NR3C2: variants seen among roughly 807,000 people sequenced by gnomAD.
NR3C2 encodes the protein nuclear receptor subfamily 3 group C member 2, also known as mineralocorticoid receptor.
Under a neutral mutation model 86.4 loss-of-function variants are expected in NR3C2, and 15 were observed. The ratio of observed to expected loss-of-function variants is 0.17; its 90% confidence interval spans 0.12 to 0.27. NR3C2 has a LOEUF of 0.27. NR3C2 is among the 10% of genes least tolerant of loss of function. The pLI is 1.00. For synonymous variants in NR3C2, 458 were observed against 450.5 expected (o/e 1.02, Z -0.21); for missense variants, 960 against 1,195.6 (o/e 0.80, Z 2.91).
chr4:148,244,776 A>C (rs775319183), intron 3 of NR3C2, among the ~76,000 whole-genome samples: 7 of 152,188 alleles, frequency 4.6e-5, no homozygotes, highest in Non-Finnish European at 1.0e-4. Flanking sequence ...AATTTTGGTA[A>C]AATTGTTGCA....
rs1738133316 is a variant in NR3C2 at position 148,225,885 on chromosome 4, CCT to C, written c.1898-31025_1898-31024del. 2.0e-5 allele frequency among the ~76,000 whole-genome samples: 3 copies of C among 152,092 alleles called. No individual in the cohort carries two copies. In the South Asian group the frequency reaches 6.2e-4, roughly 31 times the overall value. ...CTGTATCACTCACTGGGTCATTTTT[CCT>C]CTTTCAACAAGGACTTACTCATAAA... On this transcript the variant is annotated intron_variant, in intron 3 of 8. Coordinates refer to ENST00000358102, the MANE Select transcript of NR3C2 (RefSeq NM_000901.5).
intron 2 of NR3C2, among the ~76,000 whole-genome samples, chr4:148,365,094 A>T (rs947221517): frequency 6.6e-6 from 1 of 152,196 alleles, no homozygotes; most frequent in Non-Finnish European, 1.5e-5. Context: ...TCTATATGCT[A>T]CCAATAAGCA....
At chr4:148,353,873 C>T (rs1376482125) in intron 2 of NR3C2, among the ~76,000 whole-genome samples, 1 of 152,082 alleles carries the variant, frequency 6.6e-6, no homozygotes, top group Non-Finnish European at 1.5e-5. Flanking sequence ...AGAAACCATT[C>T]CTAGTGATGT....
At chr4:148,405,687 T>G (rs1368067251) in intron 2 of NR3C2, among the ~76,000 whole-genome samples, 2 of 152,212 alleles carry the variant, frequency 1.3e-5, no homozygotes, top group African/African-American at 4.8e-5. Flanking sequence ...ATGTAACCTC[T>G]CAGGGGAAGT....
intron 2 of NR3C2, among the ~76,000 whole-genome samples, chr4:148,422,729 C>T (rs1417281515): frequency 1.3e-5 from 2 of 152,110 alleles, no homozygotes; most frequent in Admixed American, 1.3e-4. Flanking sequence ...AGTTTGCTTT[C>T]CAACTCTGCC....
At chr4:148,376,030 T>G (rs1431911104) in intron 2 of NR3C2, among the ~76,000 whole-genome samples, 1 of 152,102 alleles carries the variant, frequency 6.6e-6, no homozygotes, top group African/African-American at 2.4e-5. Context: ...TCATCCCACT[T>G]TTCTACTTCA....
At chr4:148,219,368 C>T (rs1402084446) in intron 3 of NR3C2, among the ~76,000 whole-genome samples, 1 of 152,148 alleles carries the variant, frequency 6.6e-6, no homozygotes, top group Non-Finnish European at 1.5e-5. Context: ...ATACAAGTTC[C>T]TAATTAATGT....
intron 6 of NR3C2, among the ~76,000 whole-genome samples, chr4:148,131,328 A>T (rs541531281): frequency 6.6e-6 from 1 of 152,198 alleles, no homozygotes; most frequent in Non-Finnish European, 1.5e-5. Flanking sequence ...TGCAAACTGC[A>T]TCGTGTCTGA....
intron 2 of NR3C2, among the ~76,000 whole-genome samples, chr4:148,390,033 A>T (rs1016516119): frequency 6.6e-6 from 1 of 152,108 alleles, no homozygotes; most frequent in African/African-American, 2.4e-5. Context: ...AAAAGGATAA[A>T]ACATAGACTG....
At chr4:148,097,699 C>A (rs575105413) in intron 8 of NR3C2, among the ~76,000 whole-genome samples, 4 of 146,726 alleles carry the variant, frequency 2.7e-5, no homozygotes, top group African/African-American at 5.0e-5. Context: ...CGGCCCAACA[C>A]AAATTCATAA....
At chr4:148,300,991 C>T (rs1371301186) in intron 2 of NR3C2, among the ~76,000 whole-genome samples, 1 of 152,126 alleles carries the variant, frequency 6.6e-6, no homozygotes, top group Non-Finnish European at 1.5e-5. Context: ...ACCTGTTTTC[C>T]TCATGGAGCC....
At chr4:148,218,761 T>C (rs181137639) in intron 3 of NR3C2, among the ~76,000 whole-genome samples, 101 of 152,320 alleles carry the variant, frequency 6.6e-4, no homozygotes, top group African/African-American at 2.3e-3. Flanking sequence ...ATTGAAATCA[T>C]ATAATATGGA....
At chr4:148,106,218 A>C (rs1731790726) in intron 8 of NR3C2, among the ~76,000 whole-genome samples, 1 of 152,200 alleles carries the variant, frequency 6.6e-6, no homozygotes, top group Non-Finnish European at 1.5e-5. Context: ...ATACACCAAC[A>C]ATAGGCAAGC....
At chr4:148,375,230 C>T (rs1207649980) in intron 2 of NR3C2, among the ~76,000 whole-genome samples, 2 of 152,032 alleles carry the variant, frequency 1.3e-5, no homozygotes, top group Admixed American at 1.3e-4. Flanking sequence ...CCGAGGTTGG[C>T]GTATCACTTG....
intron 2 of NR3C2, among the ~76,000 whole-genome samples, chr4:148,279,917 G>A (rs1003691845): frequency 6.6e-6 from 1 of 152,002 alleles, no homozygotes; most frequent in Non-Finnish European, 1.5e-5. Context: ...TAGAGACGGG[G>A]TTTCACCATG....
intron 2 of NR3C2, among the ~76,000 whole-genome samples, chr4:148,373,387 G>A (rs1290610018): frequency 6.7e-6 from 1 of 150,248 alleles, no homozygotes; most frequent in Non-Finnish European, 1.5e-5. Context: ...TTACATTCTT[G>A]TTATCCAGGT....
chr4:148,436,552 C>A lies in NR3C2; in HGVS notation c.309G>T (p.Glu103Asp), dbSNP rs1750084577. ...ESKELSATVA[E>D]SMGLYMDSVR... ...CAGAATCCATATATAAACCCATGGA[C>A]TCAGCTACAGTTGCTGAAAGTTCCT... The change falls in exon 2 of 9, where the codon GAG becomes GAT. Residue 103 changes from glutamate (E) to aspartate (D), a missense_variant. Glu to Asp is a conservative substitution (Grantham distance 45, BLOSUM62 2). Around this residue, in one of 4 missense-constraint regions of NR3C2, gnomAD observed 680 missense variants for 719.0 expected, o/e 0.95. Coordinates refer to ENST00000358102, the MANE Select transcript of NR3C2 (RefSeq NM_000901.5). 1 of 1,614,206 alleles carries A rather than the reference C, an allele frequency of 6.2e-7. No individual in the cohort carries two copies. Among genetic ancestry groups the A allele is most frequent in the Non-Finnish European group, 8.5e-7 (1 of 1,180,036 alleles).
rs190510224 is a variant in NR3C2, at chr4:148,215,606, C to T, written c.1898-20744G>A. Among the ~76,000 whole-genome samples, 11 of 152,160 alleles carry T rather than the reference C, an allele frequency of 7.2e-5. No individual in the cohort carries two copies. In the East Asian group the frequency reaches 1.7e-3, roughly 24 times the overall value. On this transcript the variant is annotated intron_variant, in intron 3 of 8. Transcript: ENST00000358102. The stretch of plus-strand genomic sequence containing the variant: ...TGAATTTATGTGCCCTTCAACATAC[C>T]CTGGAAAGTAACACTGGCACCAAAA...
At chr4:148,094,941 G>T (rs921452917) in intron 8 of NR3C2, among the ~76,000 whole-genome samples, 1 of 152,080 alleles carries the variant, frequency 6.6e-6, no homozygotes, top group Non-Finnish European at 1.5e-5. Flanking sequence ...AAATGAGCCA[G>T]ATAAAAAAGA....
Sources: gnomAD v4.1 joint callset for allele counts (sites outside exome capture counted in the v4.1 genomes callset) on GRCh38, gnomAD v4.1.1 for gene constraint, gnomAD v4.1.1 regional missense constraint, MANE v1.5 for transcripts, NCBI Gene and HGNC (gene_info 2026-07-23, HGNC 2026-07-21) for gene names.